Variants in SIRPG observed in about 807,000 individuals in gnomAD.
SIRPG encodes signal-regulatory protein gamma.
A neutral mutation model predicts 35.7 loss-of-function variants in SIRPG; 38 were observed. The ratio of observed to expected loss-of-function variants is 1.06; its 90% CI spans 0.82 to 1.40. The LOEUF is 1.40. Among genes scored for constraint, SIRPG ranks in the 40% most tolerant of loss-of-function variants. SIRPG has a pLI of 0.00. For missense variants in SIRPG, 519 were observed against 483.0 expected (o/e 1.07, Z -0.70); for synonymous variants, 215 against 190.4 (o/e 1.13, Z -1.06).
Position 1,635,312 on chromosome 20 carries a change from CT to C in SIRPG, c.1035del (p.Glu346ArgfsTer27). On this transcript the variant is annotated frameshift_variant, in exon 4 of 6. Transcript: ENST00000303415. LOFTEE classifies it high-confidence loss of function. ...GQLAVSKRLA[L>X]EVTVHQKDQS... is the part of the protein sequence containing the mutation. The stretch of plus-strand genomic sequence containing the variant: ...TGGTCCTTCTGGTGGACTGTGACCT[CT>C]AGGGCAAGGCGTTTGCTGACCGCCA... The C allele has an allele frequency of 6.2e-7, 1 of 1,614,128 alleles. No individual in the cohort carries two copies. Among genetic ancestry groups the C allele is most frequent in the African/African-American group, 1.3e-5 (1 of 75,034 alleles).
chr20:1,675,861 G>A, the SIRPG span, among the ~76,000 whole-genome samples: 1 of 148,108 alleles, frequency 6.8e-6, no homozygotes, highest in Non-Finnish European at 1.5e-5. Flanking sequence ...AGCTCTGGCA[G>A]TGAGCTGCAC....
intron 4 of SIRPG, among the ~76,000 whole-genome samples, chr20:1,632,546 G>T (rs940050576): frequency 6.6e-6 from 1 of 152,114 alleles, no homozygotes; most frequent in Non-Finnish European, 1.5e-5. Flanking sequence ...CAAGCCAGTG[G>T]GTGGATGAAT....
rs4060587 is a variant in SIRPG, at chr20:1,642,489, T to C, written c.431-5984A>G. 7.9e-5 allele frequency among the ~76,000 whole-genome samples: 12 copies of C among 152,350 alleles called. No homozygotes were observed. The South Asian group carries it at 1.0e-3, about 13-fold the overall frequency. ...TTGCATGTGAGATGGGTCTCCTAAA[T>C]ACAGCCCACCGATGGGGCTTGACTC... On this transcript the variant is annotated intron_variant, in intron 2 of 5. Coordinates refer to ENST00000303415, the MANE Select transcript of SIRPG (RefSeq NM_018556.4).
intron 2 of SIRPG, among the ~76,000 whole-genome samples, chr20:1,636,785 G>C (rs944098838): frequency 6.6e-6 from 1 of 152,142 alleles, no homozygotes; most frequent in Admixed American, 6.5e-5. Context: ...CACCAATCTG[G>C]GCACAGGAAC....
chr20:1,655,286 T>A (rs1418596080), intron 1 of SIRPG, among the ~76,000 whole-genome samples: 1 of 152,180 alleles, frequency 6.6e-6, no homozygotes, highest in African/African-American at 2.4e-5. Context: ...TAGGTGTCTA[T>A]CAGCAGATAA....
intron 1 of SIRPG, among the ~76,000 whole-genome samples, chr20:1,656,843 C>G (rs60736823): frequency 0.21 from 32,446 of 152,110 alleles, 4,511 homozygotes; most frequent in East Asian, 0.62. Context: ...TATTTGGAGA[C>G]AAGGTCTTTA....
intron 4 of SIRPG, chr20:1,630,774 AG>A (rs1440595905): frequency 6.4e-6 from 1 of 156,516 alleles, no homozygotes; most frequent in African/African-American, 2.4e-5. Flanking sequence ...CCAAATTCCT[AG>A]GGACATTTTA....
chr20:1,630,130 C>T, intron 5 of SIRPG, 92 bp downstream of exon 5: 4 of 999,934 alleles, frequency 4.0e-6, no homozygotes, highest in East Asian at 2.6e-5. Flanking sequence ...ACTCCACGGA[C>T]CCTGGTGCTG....
the SIRPG span, among the ~76,000 whole-genome samples, chr20:1,674,929 A>C: frequency 6.6e-6 from 1 of 152,214 alleles, no homozygotes; most frequent in East Asian, 1.9e-4. Flanking sequence ...CATGTGTCCC[A>C]GTGGGCACTT....
rs576609025 is a variant in SIRPG, at chr20:1,654,029, G to A, written c.73+3613C>T. Among the ~76,000 whole-genome samples, 9 of 152,226 alleles carry A rather than the reference G, an allele frequency of 5.9e-5. No homozygotes were observed. In the East Asian group the frequency reaches 1.7e-3, roughly 29 times the overall value. ...CCGAAGCGAGCAGATCACGAGGTTA[G>A]GCAATCGAGACCGTCTTGGCCAACA... is the stretch of plus-strand genomic sequence containing the variant. On this transcript the variant is annotated intron_variant, in intron 1 of 5. Coordinates refer to ENST00000303415, the MANE Select transcript of SIRPG (RefSeq NM_018556.4).
At chr20:1,651,012 C>G (rs777327553) in intron 1 of SIRPG, among the ~76,000 whole-genome samples, 2 of 152,088 alleles carry the variant, frequency 1.3e-5, no homozygotes, top group South Asian at 4.1e-4. Flanking sequence ...CTATACCTGG[C>G]GAAAGTGTCC....
At chr20:1,661,837 G>A (rs913702811), upstream of SIRPG, among the ~76,000 whole-genome samples, 5 of 152,168 alleles carry the variant, frequency 3.3e-5, no homozygotes, top group Non-Finnish European at 1.5e-5. Flanking sequence ...GAGGTCCACT[G>A]CCCCAGAACC....
intron 2 of SIRPG, among the ~76,000 whole-genome samples, chr20:1,645,458 G>T (rs369693456): frequency 6.6e-6 from 1 of 152,256 alleles, no homozygotes; most frequent in East Asian, 1.9e-4. Context: ...GGCCAAGATT[G>T]AAAGCCACGA....
the SIRPG span, among the ~76,000 whole-genome samples, chr20:1,676,485 G>A: frequency 1.3e-5 from 2 of 152,162 alleles, no homozygotes; most frequent in South Asian, 4.1e-4. Flanking sequence ...GTCCTGACGT[G>A]GAATCTCAAT....
chr20:1,673,851 G>C, the SIRPG span, among the ~76,000 whole-genome samples: 1 of 152,218 alleles, frequency 6.6e-6, no homozygotes, highest in Non-Finnish European at 1.5e-5. Flanking sequence ...GGGCTGAGGA[G>C]TGAGGATTTG....
chr20:1,664,714 C>T, the SIRPG span, among the ~76,000 whole-genome samples: 10 of 152,244 alleles, frequency 6.6e-5, no homozygotes, highest in South Asian at 2.1e-4. Flanking sequence ...GAAATGTTTC[C>T]GGAGAGCCTG....
At chr20:1,631,678 G>T (rs751919441) in intron 4 of SIRPG, among the ~76,000 whole-genome samples, 1 of 152,144 alleles carries the variant, frequency 6.6e-6, no homozygotes, top group South Asian at 2.1e-4. Context: ...TCATCAGCTC[G>T]CAATGAGGAC....
intron 2 of SIRPG, among the ~76,000 whole-genome samples, chr20:1,641,167 T>G (rs1600208148): frequency 6.6e-6 from 1 of 152,346 alleles, no homozygotes; most frequent in East Asian, 1.9e-4. Flanking sequence ...GTATTTGGAA[T>G]AGTTTCAGAA....
intron 2 of SIRPG, among the ~76,000 whole-genome samples, chr20:1,643,915 G>A (rs1334467036): frequency 1.3e-5 from 2 of 152,142 alleles, no homozygotes; most frequent in East Asian, 3.9e-4. Flanking sequence ...TGAAGAGGCT[G>A]GAGAACGGCA....
Sources: allele counts gnomAD v4.1 joint callset (sites outside exome capture counted in the v4.1 genomes callset), GRCh38; gene constraint gnomAD v4.1.1; transcripts MANE v1.5; gene names NCBI Gene and HGNC (gene_info 2026-07-23, HGNC 2026-07-21).